RASGRF1: variants seen among roughly 807,000 people sequenced by gnomAD.
RASGRF1 encodes the protein Ras protein specific guanine nucleotide releasing factor 1.
A neutral mutation model predicts 138.7 loss-of-function variants in RASGRF1; 40 were observed. The observed-to-expected ratio is 0.29, with a 90% CI of 0.22 to 0.38. RASGRF1 has a LOEUF of 0.38. Ranked by LOEUF, RASGRF1 falls within the 10% of genes least tolerant of loss-of-function variation. The pLI, the probability that RASGRF1 is intolerant of heterozygous loss-of-function variation, is 1.00. For missense variants in RASGRF1, 1,108 were observed against 1,650.4 expected (o/e 0.67, Z 5.69); for synonymous variants, 614 against 663.2 (o/e 0.93, Z 1.14).
At chr15:79,014,585 AG>A (rs2056848410) in intron 13 of RASGRF1, among the ~76,000 whole-genome samples, 1 of 152,134 alleles carries the variant, frequency 6.6e-6, no homozygotes, top group Admixed American at 6.6e-5. Context: ...TTGGGGACTC[AG>A]GGGGAAAGGG....
Position 79,018,167 on chromosome 15 carries a change from CCCT to C in RASGRF1, c.1607-264_1607-262del, listed in dbSNP as rs1595907577. On this transcript the variant is annotated intron_variant, in intron 11 of 26. Coordinates refer to ENST00000558480, the MANE Select transcript of RASGRF1 (RefSeq NM_001145648.3). ...GAGAGCCTTTAGGAATCACAGTCTG[CCCT>C]CTGCCCTCATTACACCAATGGAGGT... Among the ~76,000 whole-genome samples, 6 of 152,370 alleles carry C rather than the reference CCCT, an allele frequency of 3.9e-5. No individual in the cohort carries two copies. The East Asian group carries it at 9.6e-4, about 24-fold the overall frequency.
In RASGRF1 at chr15:79,039,698, A is replaced by C. The variant is rs1418210301; in HGVS notation, c.879-4488T>G. Among the ~76,000 whole-genome samples the C allele has an allele frequency of 7.9e-5, 12 of 152,238 alleles. No individual in the cohort carries two copies. In the East Asian group the frequency reaches 1.7e-3, roughly 22 times the overall value. ...ATAGGTCCTGTGTTTCTTCCTAGAC[A>C]GTTTATGTTCTTGTTGCTATTTCTC... On this transcript the variant is annotated intron_variant, in intron 5 of 26. Transcript: ENST00000558480.
chr15:79,027,205 G>C lies in RASGRF1; in HGVS notation c.1381+536C>G, dbSNP rs2057071110. Among the ~76,000 whole-genome samples, 1 of 152,158 alleles carries C rather than the reference G, an allele frequency of 6.6e-6. No homozygotes were observed. The highest frequency in any genetic ancestry group is 6.5e-5 in the Admixed American group (1 of 15,276). ...GAGCCTTCACCCACCCCTCTCAACG[G>C]GGCCGTGCCTCTCAAACACTGCTCC... On this transcript the variant is annotated intron_variant, in intron 9 of 26. Coordinates refer to ENST00000558480, the MANE Select transcript of RASGRF1 (RefSeq NM_001145648.3). The surrounding 1 kb of genome is among the most constrained non-coding windows in gnomAD (Gnocchi z 4.8).
intron 22 of RASGRF1, among the ~76,000 whole-genome samples, chr15:78,987,318 G>A (rs1256883656): frequency 8.4e-6 from 1 of 119,256 alleles, no homozygotes; most frequent in Non-Finnish European, 1.7e-5. Context: ...TAGCACCCAA[G>A]GAATAAAAGA....
intron 1 of RASGRF1, among the ~76,000 whole-genome samples, chr15:79,070,190 C>T (rs558580455): frequency 8.5e-5 from 13 of 152,280 alleles, no homozygotes; most frequent in East Asian, 7.7e-4. Context: ...TTGTGTGTCC[C>T]GTTGATCTTC....
chr15:79,023,629 T>C (rs1453498292), intron 10 of RASGRF1, among the ~76,000 whole-genome samples: 2 of 152,168 alleles, frequency 1.3e-5, no homozygotes, highest in African/African-American at 4.8e-5. Flanking sequence ...CCTCGGCCTA[T>C]GAGGAGTCAG....
chr15:79,006,442 G>A lies in RASGRF1; in HGVS notation c.1827-8C>T. On this transcript the variant is annotated splice_region_variant and splice_polypyrimidine_tract_variant and intron_variant, in intron 13 of 26. Transcript: ENST00000558480. This position sits in a 1 kb window ranked among gnomAD's most constrained non-coding sequence, Gnocchi z 4.0. ...TATAAGGAGGCGTCGGACCTGAGAG[G>A]GGAGGAAGGATGCAGAGGTGATGTG... 1 of 1,607,868 alleles carries A rather than the reference G, an allele frequency of 6.2e-7. No homozygotes were observed. Among genetic ancestry groups the A allele is most frequent in the Non-Finnish European group, 8.5e-7 (1 of 1,177,960 alleles).
chr15:78,997,012 G>A lies in RASGRF1; in HGVS notation c.2966+1084C>T, dbSNP rs548041894. Among the ~76,000 whole-genome samples the A allele has an allele frequency of 6.0e-4, 92 of 152,316 alleles. 1 individual carries two copies. Among genetic ancestry groups the A allele is most frequent in the South Asian group, 1.2e-3 (6 of 4,826 alleles). ...GGGCTGGGAGCAGACAGGCTGAGTC[G>A]GTAGGTGCCCGCCACCCACTGAACA... On this transcript the variant is annotated intron_variant, in intron 19 of 26. Coordinates refer to ENST00000558480, the MANE Select transcript of RASGRF1 (RefSeq NM_001145648.3).
chr15:78,998,956 C>T (rs190988571), intron 17 of RASGRF1, 131 bp from the exon 18 acceptor site: 25 of 681,480 alleles, frequency 3.7e-5, no homozygotes, highest in Non-Finnish European at 6.4e-5. Context: ...AGGGGGATAA[C>T]AACATGTTTA....
intron 26 of RASGRF1, among the ~76,000 whole-genome samples, chr15:78,966,483 T>C (rs1387374538): frequency 2.0e-5 from 3 of 152,210 alleles, no homozygotes; most frequent in African/African-American, 7.2e-5. Flanking sequence ...CAAGCAATTC[T>C]CCTGTCTTGG....
chr15:79,031,469 T>C lies in RASGRF1; in HGVS notation c.1193A>G (p.His398Arg). 6.2e-7 allele frequency: 1 copy of C among 1,613,214 alleles called. No homozygotes were observed. The highest frequency in any genetic ancestry group is 8.5e-7 in the Non-Finnish European group (1 of 1,179,684). ...GCGCTCAACGTGCTCATGAGGCGTG[T>C]GGGCCAGGAGCTCATGGAGGGTCAG... The part of the protein sequence containing the change: ...YILTLHELLA[H>R]TPHEHVERNS... The change falls in exon 8 of 27, where the codon CAC (histidine) becomes CGC (arginine). Residue 398 changes from histidine to arginine, a missense_variant. Physicochemically the swap from His to Arg is conservative, Grantham distance 29 (BLOSUM62 0). Transcript: ENST00000558480.
intron 1 of RASGRF1, among the ~76,000 whole-genome samples, chr15:79,067,861 A>G (rs755828043): frequency 2.0e-5 from 3 of 152,134 alleles, no homozygotes; most frequent in Non-Finnish European, 4.4e-5. Context: ...ACAGAGTATA[A>G]TCCACTGGGA....
Position 79,084,537 on chromosome 15 carries a change from C to T in RASGRF1, c.276+5686G>A, listed in dbSNP as rs572392559. On this transcript the variant is annotated intron_variant, in intron 1 of 26. Transcript: ENST00000558480. ...ACTTCATTCCCTGGGCTCTGGACAA[C>T]AGGGCCGCCACCTGCTGAGCTTCTG... Among the ~76,000 whole-genome samples the T allele has an allele frequency of 1.0e-3, 154 of 152,362 alleles. 2 individuals are homozygous for T. The South Asian group carries it at 0.016, about 16-fold the overall frequency.
chr15:79,041,330 T>C (rs2057294617), intron 5 of RASGRF1, among the ~76,000 whole-genome samples: 1 of 152,256 alleles, frequency 6.6e-6, no homozygotes, highest in South Asian at 2.1e-4. Context: ...GCAATGCGAA[T>C]GGTGCTCCCA....
At chr15:79,020,927 C>G (rs1487418758) in intron 10 of RASGRF1, among the ~76,000 whole-genome samples, 2 of 152,142 alleles carry the variant, frequency 1.3e-5, no homozygotes, top group African/African-American at 4.8e-5. Context: ...CTTTGGAGAC[C>G]ACATTCTCCT....
intron 23 of RASGRF1, chr15:78,981,641 GA>G (rs2056034329): frequency 6.6e-6 from 1 of 152,194 alleles, no homozygotes; most frequent in Non-Finnish European, 1.5e-5. Context: ...ATTCTGACAG[GA>G]AGAGATCTGT....
chr15:78,999,375 G>C (rs2056467097), intron 17 of RASGRF1, among the ~76,000 whole-genome samples: 2 of 152,202 alleles, frequency 1.3e-5, no homozygotes, highest in African/African-American at 2.4e-5. Flanking sequence ...TGGAAGAGGA[G>C]GGTGCAGGGC....
Position 79,090,468 on chromosome 15 carries a change from G to A in RASGRF1, c.31C>T (p.His11Tyr). MQKGIRLNDG[H>Y]VASLGLLARK... ...GCCAGCAGTCCCAGGGACGCGACGT[G>A]GCCATCATTCAGCCGGATCCCCTTC... Residue 11 changes from histidine to tyrosine, a missense_variant, in exon 1 of 27, where the codon CAC becomes TAC. Physicochemically the swap from His to Tyr is moderately conservative, Grantham distance 83. Around this residue, in one of 3 missense-constraint regions of RASGRF1, gnomAD observed 253 missense variants for 329.5 expected, o/e 0.77. Coordinates refer to ENST00000558480, the MANE Select transcript of RASGRF1 (RefSeq NM_001145648.3). 1 of 1,612,872 alleles carries A rather than the reference G, an allele frequency of 6.2e-7. No homozygotes were observed. Among genetic ancestry groups the A allele is most frequent in the African/African-American group, 1.3e-5 (1 of 75,054 alleles).
At chr15:78,993,061 T>G (rs2056303915) in intron 20 of RASGRF1, among the ~76,000 whole-genome samples, 1 of 143,916 alleles carries the variant, frequency 6.9e-6, no homozygotes, top group Non-Finnish European at 1.5e-5. Context: ...GGGTGGTGTG[T>G]GGGTGGTGTG....
Sources: gnomAD v4.1 joint callset for allele counts (sites outside exome capture counted in the v4.1 genomes callset) on GRCh38, gnomAD v4.1.1 for gene constraint, gnomAD v4.1.1 regional missense constraint, Gnocchi (gnomAD v3.1) non-coding constraint, MANE v1.5 for transcripts, NCBI Gene and HGNC (gene_info 2026-07-23, HGNC 2026-07-21) for gene names.